Variants in CSGALNACT1 observed in about 807,000 individuals in gnomAD.
CSGALNACT1 encodes chondroitin sulfate N-acetylgalactosaminyltransferase 1.
CSGALNACT1 carries 52 observed loss-of-function variants against 51.0 expected under a neutral mutation model. The ratio of observed to expected loss-of-function variants is 1.02; its 90% CI spans 0.82 to 1.29. CSGALNACT1 has a LOEUF of 1.29. Ranked by LOEUF, CSGALNACT1 falls within the 50% of genes most tolerant of loss-of-function variation. CSGALNACT1 has a pLI of 0.00. For synonymous variants in CSGALNACT1, 341 were observed against 254.4 expected, an observed-to-expected ratio of 1.34 and a Z score of -3.24; for missense variants, 935 against 679.2, an observed-to-expected ratio of 1.38 and a Z score of -4.19.
intron 1 of CSGALNACT1, among the ~76,000 whole-genome samples, chr8:19,619,067 T>A (rs1467405296): frequency 1.3e-5 from 2 of 152,036 alleles, no homozygotes; most frequent in Non-Finnish European, 2.9e-5. Context: ...TTATTTCCCC[T>A]GCCATAAATC....
intron 4 of CSGALNACT1, among the ~76,000 whole-genome samples, chr8:19,464,916 C>T (rs893232615): frequency 1.3e-5 from 2 of 152,058 alleles, no homozygotes; most frequent in East Asian, 1.9e-4. Flanking sequence ...GCAGCCACTG[C>T]GGAATGCAGT....
intron 1 of CSGALNACT1, among the ~76,000 whole-genome samples, chr8:19,675,695 T>C (rs2060125589): frequency 6.6e-6 from 1 of 152,152 alleles, no homozygotes; most frequent in African/African-American, 2.4e-5. Context: ...GGTTTCACTG[T>C]GTTGGCCAGG....
chr8:19,547,496 T>C (rs1345358828), intron 3 of CSGALNACT1, among the ~76,000 whole-genome samples: 2 of 152,102 alleles, frequency 1.3e-5, no homozygotes, highest in Non-Finnish European at 2.9e-5. Context: ...CGAGATCTAG[T>C]GGTTTTGTAA....
intron 1 of CSGALNACT1, among the ~76,000 whole-genome samples, chr8:19,657,557 C>A (rs1463412851): frequency 1.3e-5 from 2 of 152,150 alleles, no homozygotes; most frequent in African/African-American, 4.8e-5. Flanking sequence ...TTTAAAGGAA[C>A]AACAGCCCCA....
intron 3 of CSGALNACT1, among the ~76,000 whole-genome samples, chr8:19,514,495 A>G (rs1176121665): frequency 2.2e-4 from 29 of 129,368 alleles, no homozygotes; most frequent in Admixed American, 2.2e-4. Flanking sequence ...ATATATATAT[A>G]TATATATATA....
At chr8:19,618,416 G>C (rs1046618030) in intron 1 of CSGALNACT1, among the ~76,000 whole-genome samples, 1 of 151,864 alleles carries the variant, frequency 6.6e-6, no homozygotes, top group African/African-American at 2.4e-5. Flanking sequence ...TGAGGTGGGT[G>C]AATCACTTGA....
chr8:19,682,406 C>T (rs910216055), intron 1 of CSGALNACT1: 3 of 338,108 alleles, frequency 8.9e-6, no homozygotes, highest in Non-Finnish European at 1.8e-5. Context: ...CAGCTCCCAG[C>T]ACTCCCCAAA....
chr8:19,617,832 A>AGAT (rs368366915), intron 1 of CSGALNACT1, among the ~76,000 whole-genome samples: 8 of 152,256 alleles, frequency 5.3e-5, no homozygotes, highest in African/African-American at 1.9e-4. Context: ...AAGGAAGAAT[A>AGAT]GATAGGCTTT....
At chr8:19,675,659 ATTT>A (rs1174340467) in intron 1 of CSGALNACT1, among the ~76,000 whole-genome samples, 1 of 152,018 alleles carries the variant, frequency 6.6e-6, no homozygotes, top group Non-Finnish European at 1.5e-5. Flanking sequence ...CATCCAGCTA[ATTT>A]TTTTAATTTT....
intron 4 of CSGALNACT1, among the ~76,000 whole-genome samples, chr8:19,490,940 C>A (rs117764340): frequency 2.0e-5 from 3 of 152,156 alleles, no homozygotes. Context: ...TATTCTGTCA[C>A]GTTTAGAATC....
At chr8:19,493,325 T>C (rs540109516) in intron 4 of CSGALNACT1, among the ~76,000 whole-genome samples, 1 of 152,346 alleles carries the variant, frequency 6.6e-6, no homozygotes, top group South Asian at 2.1e-4. Flanking sequence ...TTGTGTTATT[T>C]ATTTATTGAG....
At chr8:19,565,300 G>T (rs1281264815) in intron 3 of CSGALNACT1, among the ~76,000 whole-genome samples, 1 of 152,094 alleles carries the variant, frequency 6.6e-6, no homozygotes, top group Admixed American at 6.5e-5. Context: ...GTAAGTAAAG[G>T]TAAAATAAAG....
At chr8:19,630,634 T>C (rs1030438014) in intron 1 of CSGALNACT1, among the ~76,000 whole-genome samples, 1 of 152,228 alleles carries the variant, frequency 6.6e-6, no homozygotes, top group African/African-American at 2.4e-5. Context: ...TCAACTATTT[T>C]ATCCCTCCCC....
At chr8:19,743,453 A>G (rs2064442528) in intron 1 of CSGALNACT1, among the ~76,000 whole-genome samples, 1 of 152,246 alleles carries the variant, frequency 6.6e-6, no homozygotes, top group Non-Finnish European at 1.5e-5. Flanking sequence ...CAGATAACTT[A>G]TCAAAGATAC....
At chr8:19,542,200 A>AAC (rs55968136) in intron 3 of CSGALNACT1, among the ~76,000 whole-genome samples, 55,669 of 143,756 alleles carry the variant, frequency 0.39, 11,487 homozygotes, top group East Asian at 0.49. Context: ...CAGCACAAGA[A>AAC]ACACACACAC....
At chr8:19,617,948 T>G (rs925602774) in intron 1 of CSGALNACT1, among the ~76,000 whole-genome samples, 2 of 152,052 alleles carry the variant, frequency 1.3e-5, no homozygotes, top group Admixed American at 1.3e-4. Context: ...GGTGTGATCA[T>G]AGTTCACTGC....
chr8:19,753,485 T>A (rs1052407528), intron 1 of CSGALNACT1, among the ~76,000 whole-genome samples: 1 of 152,200 alleles, frequency 6.6e-6, no homozygotes, highest in Admixed American at 6.5e-5. Flanking sequence ...ATTTAAGACC[T>A]ACAATGGGCT....
rs118082234 is a variant in CSGALNACT1, at chr8:19,419,500, C to G, written c.1133-750G>C. ...ACACAAAAGAATTTCTGTATTTTAG[C>G]AACTGGCATGGCTGTGCCAGTGTTC... On this transcript the variant is annotated intron_variant, in intron 7 of 9. Coordinates refer to ENST00000454498, the Ensembl canonical transcript of CSGALNACT1. 7.1e-3 allele frequency among the ~76,000 whole-genome samples: 1,089 copies of G among 152,328 alleles called. 8 individuals are homozygous for G. The highest frequency in any genetic ancestry group is 0.013 in the Non-Finnish European group (857 of 68,028).
At chr8:19,536,354 C>A (rs529975150) in intron 3 of CSGALNACT1, among the ~76,000 whole-genome samples, 131 of 42,004 alleles carry the variant, frequency 3.1e-3, no homozygotes, top group African/African-American at 0.025. Flanking sequence ...TTAAAAAAAA[C>A]AAATGCATCT....
Sources: gnomAD v4.1 joint callset for allele counts (sites outside exome capture counted in the v4.1 genomes callset) on GRCh38, gnomAD v4.1.1 for gene constraint, MANE v1.5 for transcripts, NCBI Gene and HGNC (gene_info 2026-07-23, HGNC 2026-07-21) for gene names.